HOGA1: variants seen among roughly 807,000 people sequenced by gnomAD.
The protein encoded by HOGA1 is 4-hydroxy-2-oxoglutarate aldolase, mitochondrial.
In HOGA1, 30 loss-of-function variants were observed where a neutral mutation model predicts 34.3. That is an observed-to-expected ratio of 0.87 (90% CI 0.65 to 1.19). The LOEUF (loss-of-function observed/expected upper bound fraction) is 1.19, where lower values mean the gene tolerates loss of function less well. Ranked by LOEUF, HOGA1 falls within the 50% of genes most tolerant of loss-of-function variation. The pLI is 0.00. For synonymous variants in HOGA1, 161 were observed against 174.0 expected, an observed-to-expected ratio of 0.93 and a Z score of 0.59; for missense variants, 417 against 436.5, an observed-to-expected ratio of 0.96 and a Z score of 0.40.
At chr10:97,590,948 G>A in intron 1 of HOGA1, 2 of 230,176 alleles carry the variant, frequency 8.7e-6, no homozygotes, top group Non-Finnish European at 1.9e-5. Context: ...TGAGTCCAGG[G>A]GCTCTGTGGG....
intron 6 of HOGA1, among the ~76,000 whole-genome samples, chr10:97,604,265 G>T (rs2041141486): frequency 6.6e-6 from 1 of 152,114 alleles, no homozygotes; most frequent in East Asian, 1.9e-4. Context: ...TGTATCAATA[G>T]TTAATTCCTT....
At chr10:97,598,936 G>A in intron 2 of HOGA1, 33 bp downstream of exon 2, 1 of 1,612,546 alleles carries the variant, frequency 6.2e-7, no homozygotes, top group South Asian at 1.1e-5. Flanking sequence ...CTGGGGGTGG[G>A]TGGATGTGCA....
At chr10:97,601,153 C>A (rs2041112758) in intron 5 of HOGA1, among the ~76,000 whole-genome samples, 1 of 152,184 alleles carries the variant, frequency 6.6e-6, no homozygotes, top group Admixed American at 6.5e-5. Context: ...CCACAAACAA[C>A]AGCTCTATTA....
At chr10:97,594,882 A>T (rs1373302456) in intron 1 of HOGA1, among the ~76,000 whole-genome samples, 1 of 152,086 alleles carries the variant, frequency 6.6e-6, no homozygotes, top group Non-Finnish European at 1.5e-5. Flanking sequence ...AGTTCTAGGG[A>T]CCTTTGTAGA....
intron 1 of HOGA1, among the ~76,000 whole-genome samples, chr10:97,591,222 G>A (rs1263212237): frequency 6.6e-6 from 1 of 152,062 alleles, no homozygotes; most frequent in Non-Finnish European, 1.5e-5. Flanking sequence ...GAGTAACTAA[G>A]CCAGGTGGGA....
chr10:97,592,245 T>TC (rs988222434), intron 1 of HOGA1, among the ~76,000 whole-genome samples: 1 of 149,682 alleles, frequency 6.7e-6, no homozygotes, highest in African/African-American at 2.5e-5. Flanking sequence ...CTGTACTTTT[T>TC]TTTTTTTTTT....
intron 1 of HOGA1, among the ~76,000 whole-genome samples, chr10:97,594,368 T>G (rs2041053005): frequency 6.6e-6 from 1 of 151,572 alleles, no homozygotes; most frequent in Admixed American, 6.6e-5. Context: ...TTTTTTTATT[T>G]TTTTAAGACA....
intron 1 of HOGA1, chr10:97,590,454 G>A (rs771849333): frequency 3.1e-6 from 5 of 1,613,834 alleles, no homozygotes; most frequent in Middle Eastern, 1.7e-4. Flanking sequence ...CTCACCCAGC[G>A]GGAAAACACC....
At chr10:97,593,994 G>A (rs369517828) in intron 1 of HOGA1, among the ~76,000 whole-genome samples, 5 of 151,798 alleles carry the variant, frequency 3.3e-5, no homozygotes, top group Admixed American at 6.6e-5. Flanking sequence ...TCAGCCTCCC[G>A]AATAGCTGGG....
At chr10:97,609,313 C>T (rs140765260) in intron 6 of HOGA1, among the ~76,000 whole-genome samples, 95 of 152,294 alleles carry the variant, frequency 6.2e-4, no homozygotes, top group African/African-American at 2.1e-3. Flanking sequence ...TTTTTCTCAT[C>T]TGGCCCTTGG....
At chr10:97,595,780 G>T (rs961737702) in intron 1 of HOGA1, among the ~76,000 whole-genome samples, 5 of 152,154 alleles carry the variant, frequency 3.3e-5, no homozygotes, top group Admixed American at 2.0e-4. Flanking sequence ...TCTGACTTCA[G>T]GGCCTGTGCA....
At position 97,599,217 on chromosome 10, in the gene HOGA1, G is replaced by C; in HGVS notation, c.468+1G>C. 1.2e-6 allele frequency: 2 copies of C among 1,613,992 alleles called. No homozygotes were observed. Among genetic ancestry groups the C allele is most frequent in the Non-Finnish European group, 1.7e-6 (2 of 1,180,012 alleles). On this transcript the variant is annotated splice_donor_variant, in intron 3 of 6. Transcript: ENST00000370646. LOFTEE classifies it high-confidence loss of function. ...GGCCCTCATTCACCACTACACCAAG[G>C]TGTGTGTGAGGCCTGAGACCAAGAG...
At chr10:97,587,011 A>G (rs7078759) in intron 1 of HOGA1, among the ~76,000 whole-genome samples, 108,664 of 152,034 alleles carry the variant, frequency 0.71, 39,231 homozygotes, top group Non-Finnish European at 0.75. Flanking sequence ...TCCAGTCCTC[A>G]TTTTAGAATA....
intron 1 of HOGA1, among the ~76,000 whole-genome samples, chr10:97,592,005 AT>A (rs1001630051): frequency 1.5e-4 from 23 of 150,060 alleles, no homozygotes; most frequent in African/African-American, 5.4e-4. Flanking sequence ...TGCCTGGCAA[AT>A]TTTTTTTGTA....
chr10:97,608,125 T>C (rs1037840041), intron 6 of HOGA1, among the ~76,000 whole-genome samples: 5 of 151,494 alleles, frequency 3.3e-5, no homozygotes, highest in African/African-American at 7.3e-5. Flanking sequence ...GCCTGGGCAA[T>C]AGAGTGAGAT....
chr10:97,591,946 C>T (rs1028483623), intron 1 of HOGA1, among the ~76,000 whole-genome samples: 2 of 151,114 alleles, frequency 1.3e-5, no homozygotes, highest in African/African-American at 4.9e-5. Context: ...TCATGCGGTT[C>T]TCATGCCTCA....
intron 6 of HOGA1, among the ~76,000 whole-genome samples, chr10:97,608,816 T>G (rs1461980669): frequency 1.4e-5 from 2 of 138,538 alleles, no homozygotes; most frequent in Non-Finnish European, 3.2e-5. Flanking sequence ...AAAAAAAAAA[T>G]TGCATTGAAA....
chr10:97,592,850 G>A (rs1355488491), intron 1 of HOGA1, among the ~76,000 whole-genome samples: 1 of 151,482 alleles, frequency 6.6e-6, no homozygotes, highest in East Asian at 2.0e-4. Flanking sequence ...GGACAACCTC[G>A]TGAAACCTCG....
intron 1 of HOGA1, among the ~76,000 whole-genome samples, chr10:97,596,025 T>C (rs1282247413): frequency 6.6e-6 from 1 of 152,206 alleles, no homozygotes; most frequent in African/African-American, 2.4e-5. Context: ...AGGATTGAAA[T>C]GATTTCACTG....
Sources: allele counts gnomAD v4.1 joint callset (sites outside exome capture counted in the v4.1 genomes callset), GRCh38; gene constraint gnomAD v4.1.1; transcripts MANE v1.5; gene names NCBI Gene and HGNC (gene_info 2026-07-23, HGNC 2026-07-21).